Variants in DIP2A observed in about 807,000 individuals in gnomAD.
DIP2A encodes the protein DIP2 acetate--CoA ligase A, also known as disco-interacting protein 2 homolog A.
Under a neutral mutation model 177.4 loss-of-function variants are expected in DIP2A, and 85 were observed. That is an observed-to-expected ratio of 0.48 (90% confidence interval 0.40 to 0.57). DIP2A has a LOEUF of 0.57. Among genes scored for constraint, DIP2A ranks in the 20% least tolerant of loss-of-function variants. The pLI, the probability that DIP2A is intolerant of heterozygous loss-of-function variation, is 0.00. For missense variants in DIP2A, 1,791 were observed against 2,100.2 expected (o/e 0.85, Z 2.88); for synonymous variants, 886 against 881.8 (o/e 1.00, Z -0.08).
rs759685063 is a variant in DIP2A, at chr21:46,550,845, C to T, written c.2839+101C>T. 7.9e-5 allele frequency: 97 copies of T among 1,225,302 alleles called. No homozygotes were observed. The East Asian group carries it at 1.7e-3, about 22-fold the overall frequency. 75.9% of individuals were successfully genotyped at this position (1,225,302 alleles called of 1,614,324 possible). ...CTGCTAGACCTCCAGTGCCAACTGCCCACGTCTTTGGGGCTGGGGTCAAGA... is the reference window on the plus strand; with the variant it reads ...CTGCTAGACCTCCAGTGCCAACTGCTCACGTCTTTGGGGCTGGGGTCAAGA... On this transcript the variant is annotated intron_variant, in intron 23 of 37. Coordinates refer to ENST00000417564, the MANE Select transcript of DIP2A (RefSeq NM_015151.4).
At chr21:46,545,416 T>G in intron 19 of DIP2A, 143 bp downstream of exon 19, 1 of 966,884 alleles carries the variant, frequency 1.0e-6, no homozygotes, top group South Asian at 1.7e-5. Flanking sequence ...TGTTGGCACA[T>G]GGCCTGCACA....
chr21:46,533,867 T>C (rs1400609221), intron 11 of DIP2A, 137 bp from the exon 12 acceptor site: 2 of 966,012 alleles, frequency 2.1e-6, no homozygotes, highest in African/African-American at 3.3e-5. Context: ...TTAAATTATA[T>C]AAAATGAAAT....
At chr21:46,473,452 C>G (rs187723531) in intron 1 of DIP2A, among the ~76,000 whole-genome samples, 1 of 130,410 alleles carries the variant, frequency 7.7e-6, no homozygotes, top group Non-Finnish European at 1.6e-5. Context: ...GAGACCATGT[C>G]TCAGGGAAAA....
At chr21:46,529,295 A>T (rs1028200994) in intron 9 of DIP2A, 112 bp downstream of exon 9, 1 of 733,236 alleles carries the variant, frequency 1.4e-6, no homozygotes, top group Non-Finnish European at 2.2e-6. Context: ...CATTAATACA[A>T]GGGATTTAAA....
At chr21:46,495,255 TC>T (rs1324565018) in intron 3 of DIP2A, among the ~76,000 whole-genome samples, 1 of 116,154 alleles carries the variant, frequency 8.6e-6, no homozygotes, top group African/African-American at 6.5e-5. Context: ...TCTCTCTCTC[TC>T]TCTCTCTCTC....
At chr21:46,468,466 C>T (rs1437617230) in intron 1 of DIP2A, among the ~76,000 whole-genome samples, 2 of 151,438 alleles carry the variant, frequency 1.3e-5, no homozygotes, top group Non-Finnish European at 2.9e-5. Flanking sequence ...CTACACAAGC[C>T]CACTTGTGTC....
At position 46,569,295 on chromosome 21, in the gene DIP2A, T is replaced by C. The variant is rs1315449678; in HGVS notation, c.*1673T>C. The C allele has an allele frequency of 6.6e-6, 1 of 152,192 alleles. No individual in the cohort carries two copies. Among genetic ancestry groups the C allele is most frequent in the African/African-American group, 2.4e-5 (1 of 41,452 alleles). The allele number at this position is 152,192 out of a possible 1,614,324, so 9.4% of individuals were successfully genotyped here. A position where few individuals can be genotyped will look rare whatever the true frequency, so the allele number is the denominator to read the frequency against. ...TGTTTTACTCCTGTCTGGCTACAAATAGCACTGTGCATAGTAGCCCTGTTT... is the reference window on the plus strand; with the variant it reads ...TGTTTTACTCCTGTCTGGCTACAAACAGCACTGTGCATAGTAGCCCTGTTT... On this transcript the variant is annotated 3_prime_UTR_variant, in exon 38 of 38. Transcript: ENST00000417564.
intron 8 of DIP2A, among the ~76,000 whole-genome samples, chr21:46,520,360 A>G (rs1034904949): frequency 2.0e-5 from 3 of 152,232 alleles, no homozygotes; most frequent in African/African-American, 7.2e-5. Context: ...TAGTCCTATT[A>G]GTTCAGCTCA....
intron 3 of DIP2A, among the ~76,000 whole-genome samples, chr21:46,491,357 T>A (rs533283959): frequency 1.1e-4 from 17 of 152,242 alleles, no homozygotes; most frequent in Admixed American, 2.6e-4. Flanking sequence ...TCAGAAAAAA[T>A]TTTAATAGGG....
At chr21:46,535,811 G>A (rs1205675603) in intron 13 of DIP2A, among the ~76,000 whole-genome samples, 3 of 152,192 alleles carry the variant, frequency 2.0e-5, no homozygotes, top group Admixed American at 6.5e-5. Flanking sequence ...GCGTGATGAT[G>A]TGTGCCTATA....
intron 3 of DIP2A, among the ~76,000 whole-genome samples, chr21:46,491,617 A>G (rs1364791621): frequency 6.6e-6 from 1 of 152,220 alleles, no homozygotes; most frequent in African/African-American, 2.4e-5. Context: ...ATCACCTGAT[A>G]CCCCTGAATC....
chr21:46,501,372 T>C (rs2057639809), intron 5 of DIP2A, among the ~76,000 whole-genome samples: 1 of 152,172 alleles, frequency 6.6e-6, no homozygotes, highest in African/African-American at 2.4e-5. Context: ...TTATAGTAGC[T>C]TATTTTTATT....
intron 1 of DIP2A, among the ~76,000 whole-genome samples, chr21:46,482,300 T>G (rs1180554016): frequency 1.3e-5 from 2 of 152,178 alleles, no homozygotes; most frequent in African/African-American, 4.8e-5. Flanking sequence ...ATTGACCACA[T>G]ATATAACAGT....
intron 17 of DIP2A, 148 bp from the exon 18 acceptor site, chr21:46,541,608 T>A: frequency 1.1e-6 from 1 of 884,422 alleles, no homozygotes. Flanking sequence ...TTGGAGACAT[T>A]GCAGCATCTT....
intron 20 of DIP2A, 38 bp from the exon 21 acceptor site, chr21:46,546,877 C>T (rs377071071): frequency 6.2e-5 from 99 of 1,608,512 alleles, no homozygotes; most frequent in East Asian, 1.1e-4. Flanking sequence ...AGCTTCTGCC[C>T]GTGTGGGTGG....
chr21:46,514,743 C>T (rs2058492741), intron 8 of DIP2A, among the ~76,000 whole-genome samples: 2 of 141,648 alleles, frequency 1.4e-5, no homozygotes, highest in African/African-American at 5.6e-5. Context: ...GAGGAAAAGC[C>T]TGTGGTAATT....
rs150678902 is a variant in DIP2A, at chr21:46,539,299, C to A, written c.1922-578C>A. ...CATTGTCTATGCACTGGAGACTACC[C>A]TGCATCAGAAGCTGATGTTTCATCT... On this transcript the variant is annotated intron_variant, in intron 16 of 37. Coordinates refer to ENST00000417564, the MANE Select transcript of DIP2A (RefSeq NM_015151.4). The A allele has an allele frequency of 1.6e-3, 262 of 168,216 alleles. 2 individuals are homozygous for A. The highest frequency in any genetic ancestry group is 5.9e-3 in the African/African-American group (245 of 41,714). 10.4% of individuals were successfully genotyped at this position (168,216 alleles called of 1,614,324 possible).
chr21:46,567,268 T>C, intron 37 of DIP2A, 102 bp from the exon 38 acceptor site: 4 of 1,491,790 alleles, frequency 2.7e-6, no homozygotes, highest in South Asian at 2.6e-5. Flanking sequence ...TGTGTGACAT[T>C]GGTGGGCTTC....
intron 8 of DIP2A, among the ~76,000 whole-genome samples, chr21:46,523,786 A>G (rs2058939776): frequency 6.6e-6 from 1 of 152,066 alleles, no homozygotes. Context: ...ATTCCTGTTC[A>G]CTCGGTGGAA....
Sources: allele counts gnomAD v4.1 joint callset (sites outside exome capture counted in the v4.1 genomes callset), GRCh38; gene constraint gnomAD v4.1.1; transcripts MANE v1.5; gene names NCBI Gene and HGNC (gene_info 2026-07-23, HGNC 2026-07-21).